The following CDK5RAP2 variants were observed in gnomAD, a reference collection of about 807,000 sequenced individuals.
The protein encoded by CDK5RAP2 is CDK5 regulatory subunit-associated protein 2.
CDK5RAP2 carries 147 observed loss-of-function variants against 232.9 expected under a neutral mutation model. The ratio of observed to expected loss-of-function variants is 0.63; its 90% CI spans 0.55 to 0.72. The LOEUF is 0.72. Among genes scored for constraint, CDK5RAP2 ranks in the 30% least tolerant of loss-of-function variants. The pLI is 0.00. For missense variants in CDK5RAP2, 2,195 were observed against 2,231.5 expected (o/e 0.98, Z 0.33); for synonymous variants, 833 against 833.7 (o/e 1.00, Z 0.01).
rs1325149811 is a variant in CDK5RAP2 at position 120,409,555 on chromosome 9, T to C, written c.4415-239A>G. Among the ~76,000 whole-genome samples the C allele has an allele frequency of 2.6e-5, 4 of 152,248 alleles. No individual in the cohort carries two copies. In the East Asian group the frequency reaches 5.8e-4, roughly 22 times the overall value. On this transcript the variant is annotated intron_variant, in intron 29 of 37. Transcript: ENST00000349780. The stretch of plus-strand genomic sequence containing the variant: ...TAATTTTCTATTAAAGAACAGGCCA[T>C]GCAAACCTAGTTACTTTGCCTTCAC...
intron 25 of CDK5RAP2, among the ~76,000 whole-genome samples, chr9:120,424,701 C>CT (rs779377396): frequency 0.011 from 1,506 of 136,404 alleles, 8 homozygotes; most frequent in Middle Eastern, 0.019. Flanking sequence ...TCTCACAGCT[C>CT]TTTTTTTTTT....
At chr9:120,439,103 T>A (rs1175070097) in intron 24 of CDK5RAP2, among the ~76,000 whole-genome samples, 1 of 152,174 alleles carries the variant, frequency 6.6e-6, no homozygotes, top group African/African-American at 2.4e-5. Context: ...GTGACTGGTA[T>A]GAAACCTTTA....
At chr9:120,400,655 G>T in intron 35 of CDK5RAP2, 87 bp downstream of exon 35, 1 of 1,524,986 alleles carries the variant, frequency 6.6e-7, no homozygotes, top group Non-Finnish European at 9.1e-7. Context: ...GGGCACATCT[G>T]CTGTGGGCCC....
At chr9:120,511,317 A>G (rs1002874993) in intron 12 of CDK5RAP2, among the ~76,000 whole-genome samples, 2 of 152,232 alleles carry the variant, frequency 1.3e-5, no homozygotes. Flanking sequence ...CATAGGATTT[A>G]GGTCAGGGCT....
At position 120,404,025 on chromosome 9, in the gene CDK5RAP2, C is replaced by T. The variant is rs2033261500; in HGVS notation, c.5041+11G>A. 1.3e-6 allele frequency: 2 copies of T among 1,592,676 alleles called. No homozygotes were observed. Among genetic ancestry groups the T allele is most frequent in the Admixed American group, 3.3e-5 (2 of 60,008 alleles). ...AATGCTCCCACAGTTACCTGGACTT[C>T]AGCTTTGTACCTGATTTTGGTGTCA... On this transcript the variant is annotated intron_variant, in intron 33 of 37. Transcript: ENST00000349780.
chr9:120,538,068 A>G (rs1209077691), intron 6 of CDK5RAP2, among the ~76,000 whole-genome samples: 1 of 152,196 alleles, frequency 6.6e-6, no homozygotes, highest in Non-Finnish European at 1.5e-5. Context: ...AGAATTTGTG[A>G]TCAGGAGAAC....
intron 25 of CDK5RAP2, among the ~76,000 whole-genome samples, chr9:120,431,265 TAAG>T (rs1176512084): frequency 1.2e-4 from 18 of 152,132 alleles, no homozygotes; most frequent in Admixed American, 5.9e-4. Context: ...AGTATAATAA[TAAG>T]AAGAAGAAGA....
At chr9:120,408,768 G>A (rs1231194813) in intron 30 of CDK5RAP2, among the ~76,000 whole-genome samples, 2 of 152,178 alleles carry the variant, frequency 1.3e-5, no homozygotes, top group African/African-American at 2.4e-5. Context: ...TGCTCTGTCC[G>A]GCACAGGCCT....
chr9:120,427,863 T>A (rs888044830), intron 25 of CDK5RAP2, among the ~76,000 whole-genome samples: 1 of 151,834 alleles, frequency 6.6e-6, no homozygotes, highest in African/African-American at 2.4e-5. Flanking sequence ...GAAGTAAAGC[T>A]CTCCTCAGCA....
At chr9:120,493,346 C>T (rs1485995044) in intron 12 of CDK5RAP2, among the ~76,000 whole-genome samples, 1 of 152,200 alleles carries the variant, frequency 6.6e-6, no homozygotes, top group Non-Finnish European at 1.5e-5. Context: ...ATAATACAGC[C>T]ACCATTGGAG....
intron 13 of CDK5RAP2, among the ~76,000 whole-genome samples, chr9:120,489,459 G>C (rs1203052922): frequency 1.3e-5 from 2 of 150,806 alleles, no homozygotes. Flanking sequence ...TGTCTTTCTG[G>C]AACTCCTATT....
intron 4 of CDK5RAP2, 112 bp from the exon 5 acceptor site, chr9:120,545,902 G>C (rs1397909910): frequency 1.2e-5 from 10 of 840,274 alleles, no homozygotes; most frequent in Non-Finnish European, 2.0e-5. Flanking sequence ...GCTTGTAATA[G>C]GCAGATGTTA....
chr9:120,431,521 T>G (rs2035286311), intron 25 of CDK5RAP2, among the ~76,000 whole-genome samples: 1 of 152,190 alleles, frequency 6.6e-6, no homozygotes, highest in Admixed American at 6.5e-5. Context: ...CCAATAAAGA[T>G]CAGTCTTTCT....
chr9:120,401,994 A>AT (rs2131267606), intron 34 of CDK5RAP2, among the ~76,000 whole-genome samples: 1 of 151,922 alleles, frequency 6.6e-6, no homozygotes, highest in African/African-American at 2.4e-5. Flanking sequence ...AAAAAAAAAA[A>AT]ATTTTATATA....
chr9:120,408,416 G>A lies in CDK5RAP2; in HGVS notation c.4657C>T (p.Leu1553=). ...RQQLLSQNDK[L]LQSLRVELKA... ...AGCTCCACTCGGAGAGACTGCAATAGCTTGTCATTCTGTGAGAGCAGCTGC... is the reference window on the plus strand; with the variant it reads ...AGCTCCACTCGGAGAGACTGCAATAACTTGTCATTCTGTGAGAGCAGCTGC... The change falls in exon 31 of 38, where the codon CTA becomes TTA. Residue 1553 remains leucine (L), a synonymous_variant. Transcript: ENST00000349780. 1 of 1,614,136 alleles carries A rather than the reference G, an allele frequency of 6.2e-7. No individual in the cohort carries two copies. The highest frequency in any genetic ancestry group is 8.5e-7 in the Non-Finnish European group (1 of 1,180,006).
rs923647286 is a variant in CDK5RAP2 at position 120,400,881 on chromosome 9, G to T, written c.5312C>A (p.Pro1771Gln). ...STSQELGTKG[P>Q]HPAPLSKFVS... ...AAACTTGCTCAGTGGTGCTGGGTGT[G>T]GACCCTACACGGGGGATATGAAGGC... Residue 1771 changes from proline (P) to glutamine (Q), a missense_variant, in exon 35 of 38, where the codon CCA becomes CAA. Coordinates refer to ENST00000349780, the MANE Select transcript of CDK5RAP2 (RefSeq NM_018249.6). 33 of 1,614,094 alleles carry T rather than the reference G, an allele frequency of 2.0e-5. No individual in the cohort carries two copies. The highest frequency in any genetic ancestry group is 2.7e-5 in the Non-Finnish European group (32 of 1,180,016).
Position 120,467,860 on chromosome 9 carries a change from C to T in CDK5RAP2, c.2106G>A (p.Glu702=). The change falls in exon 18 of 38, where the codon GAG becomes GAA. Residue 702 remains glutamate (E), a splice_region_variant and synonymous_variant. Coordinates refer to ENST00000349780, the MANE Select transcript of CDK5RAP2 (RefSeq NM_018249.6). ...PDRLASTEQT[E]LLASKEDEDT... is the part of the protein sequence containing the mutation. ...ACATGACAACAAAAATGTTTCTTACCTCTGTTTGTTCTGTAGACGCAAGTC... is the reference window on the plus strand; with the variant it reads ...ACATGACAACAAAAATGTTTCTTACTTCTGTTTGTTCTGTAGACGCAAGTC... 6.2e-7 allele frequency: 1 copy of T among 1,614,064 alleles called. No homozygotes were observed.
rs567974768 is a variant in CDK5RAP2 at position 120,424,672 on chromosome 9, A to G, written c.3956-1931T>C. ...GTACTAGCCAGGCAAACAAAGTAAC[A>G]TGACATTCTGCTTCACATTCTCACA... On this transcript the variant is annotated intron_variant, in intron 25 of 37. Transcript: ENST00000349780. Among the ~76,000 whole-genome samples the G allele has an allele frequency of 6.0e-5, 9 of 150,904 alleles. No homozygotes were observed. In the South Asian group the frequency reaches 1.9e-3, roughly 32 times the overall value.
intron 5 of CDK5RAP2, among the ~76,000 whole-genome samples, chr9:120,543,958 C>G (rs1260885398): frequency 6.6e-6 from 1 of 152,056 alleles, no homozygotes; most frequent in Admixed American, 6.6e-5. Flanking sequence ...TATATTACTC[C>G]AAGTATTTTA....
Sources: gnomAD v4.1 joint callset for allele counts (sites outside exome capture counted in the v4.1 genomes callset) on GRCh38, gnomAD v4.1.1 for gene constraint, MANE v1.5 for transcripts, NCBI Gene and HGNC (gene_info 2026-07-23, HGNC 2026-07-21) for gene names.